EFNA5: variants seen among roughly 807,000 people sequenced by gnomAD.
The protein encoded by EFNA5 is ephrin-A5.
EFNA5 carries 5 observed loss-of-function variants against 22.9 expected under a neutral mutation model. That is an observed-to-expected ratio of 0.22 (90% CI 0.11 to 0.46). The LOEUF (loss-of-function observed/expected upper bound fraction) is 0.46, where lower values mean the gene tolerates loss of function less well. Among genes scored for constraint, EFNA5 ranks in the 20% least tolerant of loss-of-function variants. The pLI, the probability that EFNA5 is intolerant of heterozygous loss-of-function variation, is 0.99. For synonymous variants in EFNA5, 113 were observed against 112.2 expected (o/e 1.01, Z -0.04); for missense variants, 237 against 293.3 (o/e 0.81, Z 1.40).
chr5:107,570,823 T>C (rs1748786603), intron 1 of EFNA5, among the ~76,000 whole-genome samples: 1 of 152,214 alleles, frequency 6.6e-6, no homozygotes, highest in African/African-American at 2.4e-5. Flanking sequence ...GAGTTTGGAT[T>C]CTATATCCGT....
At chr5:107,381,738 T>C (rs1747469075) in intron 4 of EFNA5, among the ~76,000 whole-genome samples, 1 of 150,886 alleles carries the variant, frequency 6.6e-6, no homozygotes, top group Admixed American at 6.6e-5. Context: ...GGCAAGCAAG[T>C]GACATGTTGG....
At chr5:107,522,754 A>G (rs982015849) in intron 1 of EFNA5, among the ~76,000 whole-genome samples, 2 of 152,054 alleles carry the variant, frequency 1.3e-5, no homozygotes, top group African/African-American at 2.4e-5. Flanking sequence ...TTCATTGACT[A>G]CCCAAGCCAC....
chr5:107,390,388 T>C (rs1189210205), intron 2 of EFNA5, among the ~76,000 whole-genome samples: 2 of 152,108 alleles, frequency 1.3e-5, no homozygotes, highest in African/African-American at 4.8e-5. Context: ...TAAGGTAATA[T>C]AAAAGTGCAT....
At chr5:107,586,585 CT>C (rs1384719242) in intron 1 of EFNA5, among the ~76,000 whole-genome samples, 3 of 152,152 alleles carry the variant, frequency 2.0e-5, no homozygotes, top group Admixed American at 2.0e-4. Context: ...TTTATTACCC[CT>C]CTACCCAAAA....
Position 107,644,142 on chromosome 5 carries a change from C to G in EFNA5, c.125+26347G>C, listed in dbSNP as rs10464039. 5.3e-5 allele frequency among the ~76,000 whole-genome samples: 8 copies of G among 152,126 alleles called. No individual in the cohort carries two copies. In the East Asian group the frequency reaches 1.6e-3, roughly 30 times the overall value. ...AAATTCAGCAGTTTGCCCATGGATCCTTTAGAAGTGGCGATACAAGCTGAA... is the reference window on the plus strand; with the variant it reads ...AAATTCAGCAGTTTGCCCATGGATCGTTTAGAAGTGGCGATACAAGCTGAA... On this transcript the variant is annotated intron_variant, in intron 1 of 4. Transcript: ENST00000333274.
At chr5:107,433,132 G>A (rs931747949) in intron 1 of EFNA5, among the ~76,000 whole-genome samples, 1 of 152,098 alleles carries the variant, frequency 6.6e-6, no homozygotes, top group African/African-American at 2.4e-5. Context: ...GGAGTCAAAA[G>A]TTATACCTGG....
At chr5:107,503,698 T>G (rs1470353701) in intron 1 of EFNA5, among the ~76,000 whole-genome samples, 1 of 152,216 alleles carries the variant, frequency 6.6e-6, no homozygotes, top group Non-Finnish European at 1.5e-5. Flanking sequence ...AGATAAGGTC[T>G]TAAGGATAAG....
At chr5:107,537,059 C>T (rs184707702) in intron 1 of EFNA5, among the ~76,000 whole-genome samples, 4 of 142,706 alleles carry the variant, frequency 2.8e-5, no homozygotes, top group East Asian at 1.9e-4. Flanking sequence ...GAGCCGACAT[C>T]GTGCCACTGC....
intron 1 of EFNA5, among the ~76,000 whole-genome samples, chr5:107,503,262 C>T (rs972649689): frequency 2.6e-5 from 4 of 152,174 alleles, no homozygotes; most frequent in African/African-American, 7.2e-5. Flanking sequence ...CTTCGGTGCA[C>T]AGTGAACAAA....
intron 1 of EFNA5, among the ~76,000 whole-genome samples, chr5:107,611,927 G>T (rs553049728): frequency 2.0e-5 from 3 of 152,126 alleles, no homozygotes; most frequent in African/African-American, 7.2e-5. Flanking sequence ...TTCTCTGCTC[G>T]TTTTCATTTA....
intron 1 of EFNA5, among the ~76,000 whole-genome samples, chr5:107,501,744 A>T (rs993399284): frequency 1.3e-5 from 2 of 152,198 alleles, no homozygotes; most frequent in Non-Finnish European, 1.5e-5. Flanking sequence ...TTGAAGCAGC[A>T]ATTATTTTCA....
At chr5:107,506,879 C>A (rs1003340717) in intron 1 of EFNA5, among the ~76,000 whole-genome samples, 16 of 152,240 alleles carry the variant, frequency 1.1e-4, no homozygotes, top group African/African-American at 3.1e-4. Context: ...CTCCAAGAAG[C>A]AAACTGTTAC....
chr5:107,486,254 C>T (rs1261770162), intron 1 of EFNA5, among the ~76,000 whole-genome samples: 1 of 152,186 alleles, frequency 6.6e-6, no homozygotes, highest in Non-Finnish European at 1.5e-5. Context: ...AAAAGCCACA[C>T]TGCCAAATTC....
chr5:107,665,116 A>T (rs1370120153), intron 1 of EFNA5, among the ~76,000 whole-genome samples: 1 of 152,064 alleles, frequency 6.6e-6, no homozygotes, highest in Non-Finnish European at 1.5e-5. Flanking sequence ...CTCTCTCTCA[A>T]AGGTAAATTT....
intron 1 of EFNA5, among the ~76,000 whole-genome samples, chr5:107,552,636 G>A (rs897856657): frequency 1.3e-5 from 2 of 152,224 alleles, no homozygotes; most frequent in Non-Finnish European, 2.9e-5. Context: ...AACTTTTATA[G>A]TATCAGTCTG....
At chr5:107,598,194 C>G (rs1749513485) in intron 1 of EFNA5, among the ~76,000 whole-genome samples, 1 of 152,102 alleles carries the variant, frequency 6.6e-6, no homozygotes, top group Admixed American at 6.6e-5. Flanking sequence ...CTACCCCTCT[C>G]TCAGTAACAA....
chr5:107,602,982 G>A (rs1027297528), intron 1 of EFNA5, among the ~76,000 whole-genome samples: 6 of 152,260 alleles, frequency 3.9e-5, no homozygotes, highest in African/African-American at 1.2e-4. Flanking sequence ...TACAGACCTC[G>A]AAGGCTCCCG....
intron 1 of EFNA5, 22 bp downstream of exon 1, chr5:107,670,467 T>C: frequency 6.5e-7 from 1 of 1,550,124 alleles, no homozygotes; most frequent in Non-Finnish European, 8.7e-7. Context: ...TAGCCCTGGC[T>C]CTCCGCCTGT....
chr5:107,669,362 T>C (rs1280382880), intron 1 of EFNA5, among the ~76,000 whole-genome samples: 3 of 151,954 alleles, frequency 2.0e-5, no homozygotes, highest in Non-Finnish European at 2.9e-5. Context: ...TATTAATAAA[T>C]AGCACCTAGG....
Sources: gnomAD v4.1 joint callset for allele counts (sites outside exome capture counted in the v4.1 genomes callset) on GRCh38, gnomAD v4.1.1 for gene constraint, MANE v1.5 for transcripts, NCBI Gene and HGNC (gene_info 2026-07-23, HGNC 2026-07-21) for gene names.